STARD9: variants seen among roughly 807,000 people sequenced by gnomAD.
The protein encoded by STARD9 is stAR-related lipid transfer protein 9.
Under a neutral mutation model 399.8 loss-of-function variants are expected in STARD9, and 346 were observed. The observed-to-expected ratio is 0.87, with a 90% CI of 0.79 to 0.95. The LOEUF (loss-of-function observed/expected upper bound fraction) is 0.95. Ranked by LOEUF, STARD9 falls within the 40% of genes least tolerant of loss-of-function variation. The probability of loss-of-function intolerance (pLI) is 0.00; values close to 1 mark genes in which losing one functional copy is unlikely to be tolerated. For synonymous variants in STARD9, 2,203 were observed against 2,143.5 expected, an observed-to-expected ratio of 1.03 and a Z score of -0.77; for missense variants, 5,832 against 5,667.5, an observed-to-expected ratio of 1.03 and a Z score of -0.93.
intron 3 of STARD9, among the ~76,000 whole-genome samples, chr15:42,611,336 T>A (rs1159016926): frequency 6.6e-6 from 1 of 152,220 alleles, no homozygotes; most frequent in Non-Finnish European, 1.5e-5. Flanking sequence ...TAGAAAAAGT[T>A]TGCCAGTGTC....
intron 3 of STARD9, among the ~76,000 whole-genome samples, chr15:42,595,750 C>T (rs2058489678): frequency 6.6e-6 from 1 of 152,076 alleles, no homozygotes; most frequent in South Asian, 2.1e-4. Context: ...AGACAGAAGT[C>T]GAAGGGAGAG....
rs1346419027 is a variant in STARD9, at chr15:42,691,601, T to C, written c.10023T>C (p.Ser3341=). The C allele has an allele frequency of 6.5e-7, 1 of 1,537,110 alleles. No homozygotes were observed. The highest frequency in any genetic ancestry group is 2.4e-5 in the East Asian group (1 of 40,912). The change falls in exon 23 of 33, where the codon AGT becomes AGC. Residue 3341 remains serine, a synonymous_variant. Coordinates refer to ENST00000290607, the MANE Select transcript of STARD9 (RefSeq NM_020759.3). The stretch of plus-strand genomic sequence containing the variant: ...GTTCTCTTCAGGAGCTGAACTTGAG[T>C]GTGGAGCCTCCTTCCCCTACAGACG... The part of the protein sequence containing the change: ...SSRSLQELNL[S]VEPPSPTDED...
intron 3 of STARD9, among the ~76,000 whole-genome samples, chr15:42,613,142 G>T (rs1197547): frequency 0.58 from 87,398 of 151,988 alleles, 28,240 homozygotes; most frequent in East Asian, 0.74. Flanking sequence ...ATGTATATCT[G>T]TCATCTGTAT....
At chr15:42,577,106 C>A (rs914015409) in intron 1 of STARD9, among the ~76,000 whole-genome samples, 2 of 152,050 alleles carry the variant, frequency 1.3e-5, no homozygotes, top group African/African-American at 4.8e-5. Context: ...TTGACCACTC[C>A]TAACATTCAG....
At chr15:42,583,179 C>T (rs1047613717) in intron 1 of STARD9, among the ~76,000 whole-genome samples, 167 bp from the exon 2 acceptor site, 2 of 152,148 alleles carry the variant, frequency 1.3e-5, no homozygotes, top group African/African-American at 2.4e-5. Context: ...GGAAGCATGC[C>T]AGCTAGGGGA....
At chr15:42,583,475 C>T (rs2058214716) in intron 2 of STARD9, 60 bp downstream of exon 2, 11 of 1,268,140 alleles carry the variant, frequency 8.7e-6, no homozygotes, top group South Asian at 1.3e-5. Context: ...GTTACAGGGG[C>T]TTCCAGGCTG....
intron 9 of STARD9, among the ~76,000 whole-genome samples, chr15:42,656,327 T>TAAAAAAAAAA (rs869264641): frequency 1.4e-4 from 5 of 35,342 alleles, no homozygotes; most frequent in African/African-American, 2.2e-4. Context: ...AGCCATCTCC[T>TAAAAAAAAAA]AAAAAAAAAA....
rs1185965904 is a variant in STARD9, at chr15:42,575,692, C to T, written c.-24C>T. On this transcript the variant is annotated 5_prime_UTR_variant, in exon 1 of 33. Transcript: ENST00000290607. Reference sequence around the variant, plus strand: ...GGGATGCTGCCGCTGAGCTGACCCGCTGGACTTGGGTTGTGGCAGACGGAT... The same window carrying T: ...GGGATGCTGCCGCTGAGCTGACCCGTTGGACTTGGGTTGTGGCAGACGGAT... 6.5e-7 allele frequency: 1 copy of T among 1,536,404 alleles called. No individual in the cohort carries two copies. The highest frequency in any genetic ancestry group is 1.2e-5 in the South Asian group (1 of 84,020).
At chr15:42,650,511 C>A (rs559922806) in intron 7 of STARD9, among the ~76,000 whole-genome samples, 36 of 152,328 alleles carry the variant, frequency 2.4e-4, no homozygotes, top group African/African-American at 8.7e-4. Context: ...CTCTGATCTC[C>A]TCATCATGTA....
chr15:42,662,719 T>G (rs1195036785), intron 10 of STARD9, 75 bp from the exon 11 acceptor site: 5 of 918,906 alleles, frequency 5.4e-6, no homozygotes, highest in Non-Finnish European at 8.5e-6. Flanking sequence ...GAATAACGGA[T>G]AGTATTTTTC....
intron 3 of STARD9, among the ~76,000 whole-genome samples, chr15:42,603,366 C>T (rs1202317942): frequency 6.6e-6 from 1 of 152,094 alleles, no homozygotes; most frequent in East Asian, 1.9e-4. Context: ...GTGATCCTCT[C>T]AGCCTCCCAA....
chr15:42,616,322 C>T (rs1396371104), intron 3 of STARD9, among the ~76,000 whole-genome samples: 1 of 152,150 alleles, frequency 6.6e-6, no homozygotes, highest in Non-Finnish European at 1.5e-5. Flanking sequence ...AAGGCCATTT[C>T]AAAATATTAG....
intron 26 of STARD9, among the ~76,000 whole-genome samples, chr15:42,698,734 C>T (rs1006927058): frequency 1.3e-5 from 2 of 152,136 alleles, no homozygotes; most frequent in African/African-American, 4.8e-5. Flanking sequence ...GAATTTCTTC[C>T]ATGGTTTCTT....
In STARD9 at chr15:42,639,955, T is replaced by C. The variant is rs1203389347; in HGVS notation, c.559+1143T>C. On this transcript the variant is annotated intron_variant, in intron 7 of 32. Coordinates refer to ENST00000290607, the MANE Select transcript of STARD9 (RefSeq NM_020759.3). ...TTATTTTTTTAGCCACAAGGTCTTA[T>C]TCTGTCACCCAAGCTGGAATGCAGT... Among the ~76,000 whole-genome samples the C allele has an allele frequency of 2.6e-5, 4 of 152,344 alleles. No homozygotes were observed. In the East Asian group the frequency reaches 7.7e-4, roughly 29 times the overall value.
chr15:42,666,487 G>T (rs540346166), intron 15 of STARD9, among the ~76,000 whole-genome samples: 1 of 152,146 alleles, frequency 6.6e-6, no homozygotes, highest in Admixed American at 6.5e-5. Flanking sequence ...GGTGTGAGAG[G>T]CCATGTGGAA....
chr15:42,687,858 A>C lies in STARD9; in HGVS notation c.6280A>C (p.Lys2094Gln). 1 of 1,537,268 alleles carries C rather than the reference A, an allele frequency of 6.5e-7. No homozygotes were observed. Among genetic ancestry groups the C allele is most frequent in the Non-Finnish European group, 8.7e-7 (1 of 1,146,946 alleles). Residue 2094 changes from lysine (K) to glutamine (Q), a missense_variant, in exon 23 of 33, where the codon AAG becomes CAG. Lys to Gln is a moderately conservative substitution (Grantham distance 53). Around this residue, in one of 2 missense-constraint regions of STARD9, gnomAD observed 5,828 missense variants for 5,651.1 expected, o/e 1.03. Transcript: ENST00000290607. Reference sequence around the variant, plus strand: ...GTTCCAGGACCAGAAGGAGCAGGAGAAGACTGACCATGCCTTTAGGCCAGA... The same window carrying C: ...GTTCCAGGACCAGAAGGAGCAGGAGCAGACTGACCATGCCTTTAGGCCAGA... ...LVFQDQKEQE[K>Q]TDHAFRPDSS...
At chr15:42,653,924 AC>A (rs1271816295) in intron 9 of STARD9, among the ~76,000 whole-genome samples, 1 of 152,242 alleles carries the variant, frequency 6.6e-6, no homozygotes, top group African/African-American at 2.4e-5. Context: ...TATGAAAATA[AC>A]AGCACAAGGG....
Position 42,719,840 on chromosome 15 carries a change from A to G in STARD9, c.*266A>G, listed in dbSNP as rs192121060. The G allele has an allele frequency of 1.9e-4, 72 of 380,424 alleles. No individual in the cohort carries two copies. Among genetic ancestry groups the G allele is most frequent in the African/African-American group, 1.4e-3 (68 of 48,194 alleles). The allele number at this position is 380,424 out of a possible 1,614,324, so 23.6% of individuals were successfully genotyped here. ...GAATGCAGCTCCGCTCACCTTTTGG[A>G]TTTCTCACCTTTCTTTCCTGTTTCT... On this transcript the variant is annotated 3_prime_UTR_variant, in exon 33 of 33. Coordinates refer to ENST00000290607, the MANE Select transcript of STARD9 (RefSeq NM_020759.3).
chr15:42,611,138 C>T (rs886723025), intron 3 of STARD9, among the ~76,000 whole-genome samples: 2 of 152,146 alleles, frequency 1.3e-5, no homozygotes, highest in African/African-American at 4.8e-5. Context: ...GCTTGGCAAA[C>T]TATGATCTGT....
Sources: allele counts gnomAD v4.1 joint callset (sites outside exome capture counted in the v4.1 genomes callset), GRCh38; gene constraint gnomAD v4.1.1; regional missense constraint gnomAD v4.1.1; transcripts MANE v1.5; gene names NCBI Gene and HGNC (gene_info 2026-07-23, HGNC 2026-07-21).